Variants in DLG1 observed in about 807,000 individuals in gnomAD.
The protein encoded by DLG1 is disks large homolog 1.
DLG1 carries 42 observed loss-of-function variants against 123.4 expected under a neutral mutation model. The observed-to-expected ratio is 0.34, with a 90% CI of 0.27 to 0.44. The LOEUF is 0.44. Ranked by LOEUF, DLG1 falls within the 20% of genes least tolerant of loss-of-function variation. DLG1 has a pLI of 1.00. For synonymous variants in DLG1, 317 were observed against 356.2 expected (o/e 0.89, Z 1.24); for missense variants, 942 against 1,082.6 (o/e 0.87, Z 1.82).
intron 19 of DLG1, among the ~76,000 whole-genome samples, chr3:197,067,551 GTT>G (rs199907948): frequency 2.8e-5 from 3 of 107,392 alleles, no homozygotes; most frequent in South Asian, 3.2e-4. Context: ...AACTCTGAGA[GTT>G]TTTTTTTTTT....
intron 5 of DLG1, among the ~76,000 whole-genome samples, chr3:197,175,015 AGAAT>A (rs906529573): frequency 1.3e-5 from 2 of 152,216 alleles, no homozygotes; most frequent in African/African-American, 4.8e-5. Context: ...TAAAGGAAAA[AGAAT>A]GAATAGGAAG....
intron 5 of DLG1, among the ~76,000 whole-genome samples, chr3:197,178,369 G>T (rs984553355): frequency 1.2e-4 from 18 of 152,138 alleles, no homozygotes; most frequent in African/African-American, 4.1e-4. Context: ...AATTTTAAGG[G>T]TTTTTGTCTT....
chr3:197,128,787 C>G (rs1781057400), intron 11 of DLG1, among the ~76,000 whole-genome samples: 1 of 152,096 alleles, frequency 6.6e-6, no homozygotes, highest in Non-Finnish European at 1.5e-5. Context: ...CATCATAGCT[C>G]TTGGGCAGCT....
At chr3:197,131,094 A>T (rs995578972) in intron 10 of DLG1, among the ~76,000 whole-genome samples, 3 of 152,354 alleles carry the variant, frequency 2.0e-5, no homozygotes, top group Middle Eastern at 3.4e-3. Flanking sequence ...ACTACATTGT[A>T]ACAAAACAGC....
intron 4 of DLG1, among the ~76,000 whole-genome samples, chr3:197,233,002 G>C (rs897744588): frequency 4.6e-5 from 7 of 151,962 alleles, no homozygotes; most frequent in Non-Finnish European, 1.0e-4. Flanking sequence ...GTGTAATCAG[G>C]CAAGAAAAAT....
At chr3:197,248,353 T>C (rs1471892030) in intron 4 of DLG1, among the ~76,000 whole-genome samples, 6 of 152,132 alleles carry the variant, frequency 3.9e-5, no homozygotes, top group Non-Finnish European at 8.8e-5. Context: ...TCATGCCAGG[T>C]GGGTCTCAAT....
chr3:197,175,580 C>A (rs1806580934), intron 5 of DLG1, among the ~76,000 whole-genome samples: 1 of 152,118 alleles, frequency 6.6e-6, no homozygotes, highest in African/African-American at 2.4e-5. Flanking sequence ...TTTAGAAGTT[C>A]CAAACTTCCA....
intron 15 of DLG1, 49 bp downstream of exon 15, chr3:197,090,863 C>A: frequency 9.3e-7 from 1 of 1,074,942 alleles, no homozygotes; most frequent in South Asian, 1.6e-5. Flanking sequence ...AAATAATTTA[C>A]ATGCATAACT....
chr3:197,054,316 A>C (rs1355109404), intron 23 of DLG1, among the ~76,000 whole-genome samples: 1 of 102,918 alleles, frequency 9.7e-6, no homozygotes, highest in Non-Finnish European at 2.0e-5. Flanking sequence ...TTATTTCTTC[A>C]AACAATCTCT....
intron 6 of DLG1, among the ~76,000 whole-genome samples, chr3:197,149,361 T>A (rs1157696951): frequency 6.6e-6 from 1 of 152,186 alleles, no homozygotes; most frequent in African/African-American, 2.4e-5. Flanking sequence ...ACTAATTATT[T>A]TCGTATATAT....
chr3:197,163,635 C>A (rs1209611010), intron 5 of DLG1, among the ~76,000 whole-genome samples: 1 of 151,228 alleles, frequency 6.6e-6, no homozygotes, highest in Non-Finnish European at 1.5e-5. Context: ...CAATTCTCTG[C>A]CTCAGCCTCC....
chr3:197,218,814 T>C (rs1735369260), intron 4 of DLG1, among the ~76,000 whole-genome samples: 2 of 152,264 alleles, frequency 1.3e-5, no homozygotes, highest in East Asian at 3.9e-4. Flanking sequence ...CAGGTAGTCA[T>C]CAAACACACA....
chr3:197,064,547 C>A (rs1738225190), intron 22 of DLG1, among the ~76,000 whole-genome samples: 1 of 152,060 alleles, frequency 6.6e-6, no homozygotes, highest in South Asian at 2.1e-4. Context: ...TGTACAAAGG[C>A]CATTTTATAT....
rs776452461 is a variant in DLG1 at position 197,076,646 on chromosome 3, G to A, written c.1945C>T (p.Arg649Ter). Residue 649 changes from arginine (R) to a stop codon, truncating the protein, a stop_gained, in exon 18 of 25, where the codon CGA (arginine) becomes TGA (stop). Coordinates refer to ENST00000667157, the MANE Select transcript of DLG1 (RefSeq NM_001366207.1). LOFTEE classifies it high-confidence loss of function. ...TTGTTCTTGTAGAAGGGGAATTTTCGGGAAAAGAGGTTCTTTTTACGCTTG... is the reference window on the plus strand; with the variant it reads ...TTGTTCTTGTAGAAGGGGAATTTTCAGGAAAAGAGGTTCTTTTTACGCTTG... ...NDKRKKNLFS[R>*]KFPFYKNKDQ... The A allele has an allele frequency of 3.7e-6, 6 of 1,612,904 alleles. No individual in the cohort carries two copies. Among genetic ancestry groups the A allele is most frequent in the Non-Finnish European group, 5.1e-6 (6 of 1,179,228 alleles).
At chr3:197,085,000 T>C (rs1364193946) in intron 16 of DLG1, among the ~76,000 whole-genome samples, 2 of 151,570 alleles carry the variant, frequency 1.3e-5, no homozygotes, top group Non-Finnish European at 2.9e-5. Context: ...TTGGCCAGGC[T>C]CGTCTTGAAC....
chr3:197,272,487 T>C (rs761490563), intron 4 of DLG1, among the ~76,000 whole-genome samples: 1 of 152,274 alleles, frequency 6.6e-6, no homozygotes, highest in African/African-American at 2.4e-5. Context: ...CCTGTGGTTT[T>C]CATTGTGCCA....
intron 12 of DLG1, among the ~76,000 whole-genome samples, chr3:197,119,095 A>G (rs759814287): frequency 2.0e-5 from 3 of 152,210 alleles, no homozygotes; most frequent in Non-Finnish European, 4.4e-5. Context: ...AGGAACATAT[A>G]AAATGTTACT....
chr3:197,291,269 G>A (rs1774727726), intron 3 of DLG1, among the ~76,000 whole-genome samples: 1 of 148,402 alleles, frequency 6.7e-6, no homozygotes, highest in South Asian at 2.1e-4. Flanking sequence ...TCCATATCCT[G>A]TTTTCCTTAC....
rs577161856 is a variant in DLG1 at position 197,170,697 on chromosome 3, C to T, written c.484-20901G>A. On this transcript the variant is annotated intron_variant, in intron 5 of 24. Coordinates refer to ENST00000667157, the MANE Select transcript of DLG1 (RefSeq NM_001366207.1). Reference sequence around the variant, plus strand: ...TTCCATTCTGTAGGTTATCTGTTCACTCTGTTGACAGCTTCCTTTGCTGTG... The same window carrying T: ...TTCCATTCTGTAGGTTATCTGTTCATTCTGTTGACAGCTTCCTTTGCTGTG... 1.1e-4 allele frequency among the ~76,000 whole-genome samples: 17 copies of T among 152,300 alleles called. No individual in the cohort carries two copies. In the South Asian group the frequency reaches 2.9e-3, roughly 26 times the overall value.
Sources: allele counts gnomAD v4.1 joint callset (sites outside exome capture counted in the v4.1 genomes callset), GRCh38; gene constraint gnomAD v4.1.1; transcripts MANE v1.5; gene names NCBI Gene and HGNC (gene_info 2026-07-23, HGNC 2026-07-21).